The following DLC1 variants were observed in gnomAD, a reference collection of about 807,000 sequenced individuals.
DLC1 encodes the protein rho GTPase-activating protein 7.
A neutral mutation model predicts 140.3 loss-of-function variants in DLC1; 54 were observed. The ratio of observed to expected loss-of-function variants is 0.38; its 90% confidence interval spans 0.31 to 0.48. The LOEUF is 0.48. Among genes scored for constraint, DLC1 ranks in the 20% least tolerant of loss-of-function variants. The pLI, the probability that DLC1 is intolerant of heterozygous loss-of-function variation, is 0.96. For synonymous variants in DLC1, 986 were observed against 728.1 expected (o/e 1.35, Z -5.70); for missense variants, 2,536 against 1,907.0 (o/e 1.33, Z -6.14).
At chr8:13,470,585 G>T (rs1458525207) in intron 2 of DLC1, among the ~76,000 whole-genome samples, 6 of 152,150 alleles carry the variant, frequency 3.9e-5, no homozygotes, top group Non-Finnish European at 2.9e-5. Context: ...CACACCTGTT[G>T]GGATGGTTAT....
At chr8:13,191,595 G>A (rs755346756) in intron 5 of DLC1, among the ~76,000 whole-genome samples, 8 of 152,186 alleles carry the variant, frequency 5.3e-5, no homozygotes, top group South Asian at 2.1e-4. Flanking sequence ...AAGATGCCCC[G>A]AGAATTTGAT....
At chr8:13,500,318 T>C in intron 1 of DLC1, 122 bp from the exon 2 acceptor site, 1 of 376,620 alleles carries the variant, frequency 2.7e-6, no homozygotes, top group Non-Finnish European at 4.8e-6. Flanking sequence ...AGCTTCTGTT[T>C]AGTAGCTTTA....
intron 1 of DLC1, among the ~76,000 whole-genome samples, chr8:13,594,501 C>G (rs1238249281): frequency 6.6e-6 from 1 of 152,070 alleles, no homozygotes; most frequent in Non-Finnish European, 1.5e-5. Flanking sequence ...CCTCTGCATT[C>G]TGAGAGAATA....
At chr8:13,592,545 T>G (rs1465955309) in intron 1 of DLC1, among the ~76,000 whole-genome samples, 1 of 152,126 alleles carries the variant, frequency 6.6e-6, no homozygotes. Context: ...AATTCCTTTT[T>G]TAAAAAACTT....
intron 1 of DLC1, among the ~76,000 whole-genome samples, chr8:13,502,222 A>T (rs1020156213): frequency 2.0e-5 from 3 of 152,338 alleles, no homozygotes; most frequent in African/African-American, 4.8e-5. Context: ...AGATAGTTCA[A>T]CAAGTTCTGA....
intron 2 of DLC1, among the ~76,000 whole-genome samples, chr8:13,471,570 A>C (rs1370854855): frequency 6.6e-6 from 1 of 151,822 alleles, no homozygotes; most frequent in Non-Finnish European, 1.5e-5. Flanking sequence ...AGAAGGAAAA[A>C]TAGCGAATGG....
chr8:13,086,506 G>A (rs779074411), intron 16 of DLC1, 43 bp from the exon 17 acceptor site: 3 of 1,599,922 alleles, frequency 1.9e-6, no homozygotes, highest in Middle Eastern at 1.7e-4. Context: ...GAATTTCATA[G>A]AAGCCAAGTT....
At chr8:13,303,761 C>T (rs939614476) in intron 5 of DLC1, among the ~76,000 whole-genome samples, 15 of 152,108 alleles carry the variant, frequency 9.9e-5, no homozygotes, top group Non-Finnish European at 2.2e-4. Context: ...AAGATCACAC[C>T]ACTGTGCTCC....
upstream of DLC1, among the ~76,000 whole-genome samples, chr8:13,515,148 C>G (rs542883870): frequency 6.6e-6 from 1 of 152,326 alleles, no homozygotes; most frequent in Admixed American, 6.5e-5. Context: ...TATCCACAAC[C>G]TTTCCACTAT....
chr8:13,436,368 A>G (rs774528988), intron 2 of DLC1, among the ~76,000 whole-genome samples: 26 of 152,348 alleles, frequency 1.7e-4, no homozygotes, highest in African/African-American at 6.0e-4. Context: ...AAATGACATC[A>G]TATCAAATTT....
At chr8:13,270,110 C>T (rs887428585) in intron 5 of DLC1, among the ~76,000 whole-genome samples, 1 of 151,478 alleles carries the variant, frequency 6.6e-6, no homozygotes, top group East Asian at 1.9e-4. Context: ...GCCAACTATA[C>T]CTAAATAATT....
intron 2 of DLC1, among the ~76,000 whole-genome samples, chr8:13,474,574 C>A (rs1332955998): frequency 2.0e-5 from 3 of 152,178 alleles, no homozygotes; most frequent in Non-Finnish European, 4.4e-5. Context: ...AAGCTGCACT[C>A]AACACCAGCC....
chr8:13,454,962 A>G (rs1372517978), intron 2 of DLC1, among the ~76,000 whole-genome samples: 12 of 152,108 alleles, frequency 7.9e-5, no homozygotes, highest in Admixed American at 3.3e-4. Context: ...CTTCTTTGAA[A>G]TCTGAGATCT....
chr8:13,261,302 G>A (rs924242156), intron 5 of DLC1, among the ~76,000 whole-genome samples: 2 of 152,164 alleles, frequency 1.3e-5, no homozygotes, highest in South Asian at 2.1e-4. Context: ...AATTTTTCAA[G>A]ATGAGGGAAC....
intron 1 of DLC1, among the ~76,000 whole-genome samples, chr8:13,599,500 G>A (rs530746110): frequency 3.3e-5 from 5 of 151,876 alleles, no homozygotes; most frequent in Admixed American, 6.6e-5. Context: ...AAGACAGAGT[G>A]CCCTAATTTC....
At chr8:13,203,250 AG>A (rs1287177025) in intron 5 of DLC1, among the ~76,000 whole-genome samples, 8 of 152,218 alleles carry the variant, frequency 5.3e-5, no homozygotes, top group Admixed American at 5.2e-4. Context: ...GAGAAAACTC[AG>A]CATTAAGTGT....
At chr8:13,186,897 A>G (rs147790030) in intron 5 of DLC1, among the ~76,000 whole-genome samples, 1,679 of 152,232 alleles carry the variant, frequency 0.011, 12 homozygotes, top group South Asian at 0.032. Context: ...TTTTCCTTCT[A>G]ATAGTCAGGT....
chr8:13,175,892 G>T lies in DLC1; in HGVS notation c.1349-60235C>A, dbSNP rs574577023. ...GTCACAGCTTCCCTCTCCTTCTCCA[G>T]TCCCTGCAAACACTTATCTGTTCTT... On this transcript the variant is annotated intron_variant, in intron 5 of 17. Coordinates refer to ENST00000276297, the MANE Select transcript of DLC1 (RefSeq NM_182643.3). Among the ~76,000 whole-genome samples the T allele has an allele frequency of 5.9e-5, 9 of 152,132 alleles. No homozygotes were observed. In the South Asian group the frequency reaches 1.9e-3, roughly 32 times the overall value.
At position 13,535,683 on chromosome 8, in the gene DLC1, AAG is replaced by A. The variant is rs1415815093; in HGVS notation, c.-125-35489_-125-35488del. Among the ~76,000 whole-genome samples the A allele has an allele frequency of 3.7e-3, 544 of 148,868 alleles. 13 individuals are homozygous for A. Among genetic ancestry groups the A allele is most frequent in the African/African-American group, 0.012 (504 of 40,346 alleles). ...TCATTGCTCATTAAAAAAAAAAAAA[AAG>A]AAAAGAAAACAACAACCCTCCTCCA... On this transcript the variant is annotated intron_variant, in intron 1 of 1. Transcript: ENST00000631382.
Sources: gnomAD v4.1 joint callset for allele counts (sites outside exome capture counted in the v4.1 genomes callset) on GRCh38, gnomAD v4.1.1 for gene constraint, MANE v1.5 for transcripts, NCBI Gene and HGNC (gene_info 2026-07-23, HGNC 2026-07-21) for gene names.